EYA2: variants seen among roughly 807,000 people sequenced by gnomAD.
EYA2 encodes the protein EYA transcriptional coactivator and phosphatase 2.
A neutral mutation model predicts 69.2 loss-of-function variants in EYA2; 31 were observed. That is an observed-to-expected ratio of 0.45 (90% CI 0.34 to 0.60). The LOEUF (loss-of-function observed/expected upper bound fraction) is 0.60, where lower values mean the gene tolerates loss of function less well. Among genes scored for constraint, EYA2 ranks in the 20% least tolerant of loss-of-function variants. The pLI is 0.02. For missense variants in EYA2, 622 were observed against 701.2 expected (o/e 0.89, Z 1.28); for synonymous variants, 257 against 279.4 (o/e 0.92, Z 0.80).
intron 1 of EYA2, among the ~76,000 whole-genome samples, chr20:46,961,879 G>A (rs1979496636): frequency 6.6e-6 from 1 of 152,196 alleles, no homozygotes; most frequent in African/African-American, 2.4e-5. Context: ...ATGGTGCAGG[G>A]GTGAACCAGA....
At chr20:46,943,095 T>A (rs1467269980) in intron 1 of EYA2, among the ~76,000 whole-genome samples, 1 of 152,188 alleles carries the variant, frequency 6.6e-6, no homozygotes, top group Non-Finnish European at 1.5e-5. Flanking sequence ...TGCAGAGCAG[T>A]GATTCCCAAC....
At chr20:46,978,478 C>A in intron 1 of EYA2, 1 of 474,994 alleles carries the variant, frequency 2.1e-6, no homozygotes, top group Non-Finnish European at 4.4e-6. Flanking sequence ...ACAGCATGTA[C>A]AAAGGCCCTG....
At chr20:46,907,066 T>C (rs62201194) in intron 1 of EYA2, among the ~76,000 whole-genome samples, 17,886 of 152,156 alleles carry the variant, frequency 0.12, 1,301 homozygotes, top group Non-Finnish European at 0.17. Context: ...AGTTTCCCCA[T>C]TGATGACATG....
intron 4 of EYA2, among the ~76,000 whole-genome samples, chr20:47,008,965 A>G (rs1982894607): frequency 6.6e-6 from 1 of 152,180 alleles, no homozygotes; most frequent in South Asian, 2.1e-4. Context: ...TATTACAACT[A>G]CTCAGCTCTG....
intron 5 of EYA2, among the ~76,000 whole-genome samples, chr20:47,051,466 C>A (rs1456801947): frequency 6.6e-6 from 1 of 152,178 alleles, no homozygotes; most frequent in Non-Finnish European, 1.5e-5. Flanking sequence ...GAAGAACAAG[C>A]CCCCGAGGCA....
chr20:47,159,747 T>C (rs1035769471), intron 10 of EYA2, among the ~76,000 whole-genome samples: 1 of 151,998 alleles, frequency 6.6e-6, no homozygotes, highest in Non-Finnish European at 1.5e-5. Context: ...CCCAGCACTT[T>C]GGGAGGCCAA....
At chr20:46,966,481 T>G (rs1050408248) in intron 1 of EYA2, among the ~76,000 whole-genome samples, 2 of 152,110 alleles carry the variant, frequency 1.3e-5, no homozygotes, top group African/African-American at 4.8e-5. Context: ...CATATGTAAC[T>G]GCAAATTTTC....
chr20:46,915,903 T>A (rs1984883389), intron 1 of EYA2, among the ~76,000 whole-genome samples: 1 of 152,078 alleles, frequency 6.6e-6, no homozygotes, highest in Non-Finnish European at 1.5e-5. Flanking sequence ...GCGCTTTCCC[T>A]CCCAGTTCTA....
At chr20:47,135,477 AATT>A (rs113627247) in intron 9 of EYA2, among the ~76,000 whole-genome samples, 31 of 150,804 alleles carry the variant, frequency 2.1e-4, no homozygotes, top group African/African-American at 4.9e-4. Context: ...CATTATTATT[AATT>A]ATTATTATTA....
intron 1 of EYA2, among the ~76,000 whole-genome samples, chr20:46,980,564 A>G (rs756531312): frequency 2.6e-5 from 4 of 152,248 alleles, no homozygotes; most frequent in Non-Finnish European, 4.4e-5. Flanking sequence ...TCAAATCAGC[A>G]TAATTGGGAT....
At chr20:47,135,622 C>T (rs2033445085) in intron 9 of EYA2, among the ~76,000 whole-genome samples, 1 of 151,604 alleles carries the variant, frequency 6.6e-6, no homozygotes, top group African/African-American at 2.4e-5. Flanking sequence ...AAGGGTTGTA[C>T]AGCTAATTAG....
chr20:47,156,175 T>C (rs2033944873), intron 10 of EYA2, among the ~76,000 whole-genome samples: 5 of 82,694 alleles, frequency 6.0e-5, no homozygotes, highest in Admixed American at 2.7e-4. Flanking sequence ...TATATATATA[T>C]ATATATATAT....
chr20:46,987,446 A>G (rs1343983540), intron 1 of EYA2, among the ~76,000 whole-genome samples: 2 of 152,188 alleles, frequency 1.3e-5, no homozygotes, highest in African/African-American at 4.8e-5. Flanking sequence ...TTAAAGCACT[A>G]CATAGTCTGA....
At chr20:46,922,449 T>A (rs765029821) in intron 1 of EYA2, among the ~76,000 whole-genome samples, 4 of 152,268 alleles carry the variant, frequency 2.6e-5, no homozygotes, top group Admixed American at 1.3e-4. Context: ...GGGCACCGAT[T>A]GTTTCATATT....
chr20:47,176,936 C>T (rs1407962900), intron 12 of EYA2, among the ~76,000 whole-genome samples: 3 of 151,840 alleles, frequency 2.0e-5, no homozygotes, highest in Non-Finnish European at 2.9e-5. Flanking sequence ...GGAATACAGG[C>T]GCCTGCCACC....
intron 7 of EYA2, 119 bp from the exon 8 acceptor site, chr20:47,089,120 C>A: frequency 8.5e-7 from 1 of 1,182,510 alleles, no homozygotes; most frequent in Non-Finnish European, 1.2e-6. Flanking sequence ...GAGATCTTTG[C>A]CTCTGGTGCT....
chr20:46,998,460 G>C (rs1276658214), intron 2 of EYA2: 1 of 152,230 alleles, frequency 6.6e-6, no homozygotes, highest in African/African-American at 2.4e-5. Context: ...GGACTTCCTG[G>C]TCCACATGAC....
At chr20:46,962,123 G>T (rs1979513948) in intron 1 of EYA2, among the ~76,000 whole-genome samples, 1 of 152,144 alleles carries the variant, frequency 6.6e-6, no homozygotes, top group South Asian at 2.1e-4. Flanking sequence ...CAACCTCCTG[G>T]GCTTAAGTGA....
chr20:47,178,646 C>T (rs1328847453), intron 12 of EYA2, among the ~76,000 whole-genome samples: 1 of 152,092 alleles, frequency 6.6e-6, no homozygotes, highest in East Asian at 1.9e-4. Flanking sequence ...AAGCCAGCTG[C>T]CTGGGTGCCG....
Sources: gnomAD v4.1 joint callset for allele counts (sites outside exome capture counted in the v4.1 genomes callset) on GRCh38, gnomAD v4.1.1 for gene constraint, MANE v1.5 for transcripts, NCBI Gene and HGNC (gene_info 2026-07-23, HGNC 2026-07-21) for gene names.